Variants in HERC2 observed in about 807,000 individuals in gnomAD.
HERC2 encodes the protein E3 ubiquitin-protein ligase HERC2.
In HERC2, 102 loss-of-function variants were observed where a neutral mutation model predicts 537.7. The observed-to-expected ratio is 0.19, with a 90% CI of 0.16 to 0.22. The LOEUF (loss-of-function observed/expected upper bound fraction) is 0.22, where lower values mean the gene tolerates loss of function less well. Among genes scored for constraint, HERC2 ranks in the 10% least tolerant of loss-of-function variants. HERC2 has a pLI of 1.00. For missense variants in HERC2, 4,236 were observed against 6,198.2 expected (o/e 0.68, Z 10.63); for synonymous variants, 2,224 against 2,466.2 (o/e 0.90, Z 2.91).
In HERC2 at chr15:28,301,753, A is replaced by G. The variant is rs546118780; in HGVS notation, c.73-2237T>C. Among the ~76,000 whole-genome samples, 511 of 108,880 alleles carry G rather than the reference A, an allele frequency of 4.7e-3. 12 individuals are homozygous for G. Among genetic ancestry groups the G allele is most frequent in the African/African-American group, 0.018 (433 of 24,610 alleles). 71.4% of individuals were successfully genotyped at this position (108,880 alleles called of 152,430 possible). A position where few individuals can be genotyped will look rare whatever the true frequency, so the allele number is the denominator to read the frequency against. On this transcript the variant is annotated intron_variant, in intron 2 of 92. Transcript: ENST00000261609. Reference sequence around the variant, plus strand: ...TGTATGTGTATATATATATATATATATATATATATATATATATATATATAT... The same window carrying G: ...TGTATGTGTATATATATATATATATGTATATATATATATATATATATATAT...
chr15:28,131,181 C>A (rs1298512898), intron 81 of HERC2, among the ~76,000 whole-genome samples: 7 of 152,298 alleles, frequency 4.6e-5, no homozygotes, highest in African/African-American at 1.7e-4. Context: ...CTAAATGAGA[C>A]AATGTGGTAG....
intron 4 of HERC2, among the ~76,000 whole-genome samples, chr15:28,287,848 C>T (rs1417753784): frequency 1.7e-4 from 26 of 151,620 alleles, no homozygotes; most frequent in African/African-American, 3.2e-4. Context: ...CTGAGCTTCC[C>T]GAGTAGCTGG....
rs764701437 is a variant in HERC2 at position 28,144,763 on chromosome 15, C to T, written c.11050G>A (p.Gly3684Arg). The T allele has an allele frequency of 3.1e-6, 5 of 1,614,090 alleles. No homozygotes were observed. The highest frequency in any genetic ancestry group is 1.1e-5 in the South Asian group (1 of 91,088). The change falls in exon 72 of 93, where the codon GGG (glycine) becomes AGG (arginine). Residue 3684 changes from glycine to arginine, a missense_variant. Physicochemically the swap from Gly to Arg is moderately radical, Grantham distance 125. Transcript: ENST00000261609. ...SDWSSELRIP[G>R]DELKWKFISD... ...ATGAACTTCCACTTTAACTCATCCC[C>T]TGGGATGCGCAGCTCGCTGGACCAG...
chr15:28,197,662 G>A (rs933234386), intron 50 of HERC2, among the ~76,000 whole-genome samples: 11 of 152,288 alleles, frequency 7.2e-5, no homozygotes, highest in Middle Eastern at 3.4e-3. Context: ...TGAGACTGGA[G>A]AATTCCTTAA....
Position 28,229,754 on chromosome 15 carries a change from G to C in HERC2, c.4903C>G (p.Leu1635Val). The C allele has an allele frequency of 1.3e-6, 2 of 1,571,022 alleles. No homozygotes were observed. The highest frequency in any genetic ancestry group is 1.8e-6 in the Non-Finnish European group (2 of 1,142,494). The change falls in exon 32 of 93, where the codon CTC becomes GTC. Residue 1635 changes from leucine (L) to valine (V), a missense_variant. Coordinates refer to ENST00000261609, the MANE Select transcript of HERC2 (RefSeq NM_004667.6). The stretch of plus-strand genomic sequence containing the variant: ...GCAAATTCAGCAATTGTACTGAGGA[G>C]TGGAGACTGCGGATAAAGACCCTGC... ...NVQGLYPQSP[L>V]LSTIAEFALK...
At chr15:28,298,591 C>T (rs1167115760) in intron 3 of HERC2, 7 of 151,334 alleles carry the variant, frequency 4.6e-5, no homozygotes, top group South Asian at 2.1e-4. Context: ...GTCAGGAGCT[C>T]GAGACCATCC....
At chr15:28,270,543 T>C (rs1387182565) in intron 10 of HERC2, 152 bp downstream of exon 10, 1 of 761,614 alleles carries the variant, frequency 1.3e-6, no homozygotes, top group Non-Finnish European at 2.1e-6. Context: ...TCAACACGGA[T>C]AACACCTTCA....
In HERC2 at chr15:28,246,665, T is replaced by C. The variant is rs78635135; in HGVS notation, c.3391+77A>G. 194 of 1,270,214 alleles carry C rather than the reference T, an allele frequency of 1.5e-4. 1 individual carries two copies. The East Asian group carries it at 4.5e-3, about 29-fold the overall frequency. 78.7% of individuals were successfully genotyped at this position (1,270,214 alleles called of 1,614,324 possible). On this transcript the variant is annotated intron_variant, in intron 22 of 92. Coordinates refer to ENST00000261609, the MANE Select transcript of HERC2 (RefSeq NM_004667.6). ...ATTTAGAGAGTAAATGCAGGCATGC[T>C]GATCAGCAAAGAAGACACTTTAGCT... is the stretch of plus-strand genomic sequence containing the variant.
Position 28,116,966 on chromosome 15 carries a change from G to A in HERC2, c.13414+47C>T, listed in dbSNP as rs183035374. 1.0e-4 allele frequency: 161 copies of A among 1,613,150 alleles called. No homozygotes were observed. The African/African-American group carries it at 2.0e-3, about 20-fold the overall frequency. ...CTCTGTGCTCCCTGTGGGCTCAGGCGACCACTGCCGGGGACACAGGTGCTC... is the reference window on the plus strand; with the variant it reads ...CTCTGTGCTCCCTGTGGGCTCAGGCAACCACTGCCGGGGACACAGGTGCTC... On this transcript the variant is annotated intron_variant, in intron 87 of 92. Transcript: ENST00000261609.
intron 67 of HERC2, 98 bp from the exon 68 acceptor site, chr15:28,167,925 T>C (rs1894313052): frequency 3.0e-6 from 4 of 1,312,420 alleles, no homozygotes; most frequent in East Asian, 2.4e-5. Context: ...CTAAAACTAC[T>C]TGGGCTGTTT....
At chr15:28,173,087 C>A (rs1271400876) in intron 65 of HERC2, among the ~76,000 whole-genome samples, 1 of 152,194 alleles carries the variant, frequency 6.6e-6, no homozygotes, top group African/African-American at 2.4e-5. Flanking sequence ...AAATTAAAGA[C>A]TGAACGTATC....
chr15:28,172,073 C>CAAA (rs371110090), intron 65 of HERC2, among the ~76,000 whole-genome samples: 4 of 55,070 alleles, frequency 7.3e-5, no homozygotes, highest in Admixed American at 2.0e-4. Context: ...GACTCCGTCT[C>CAAA]AAAAAAAAAA....
chr15:28,225,584 G>C (rs1384913573), intron 35 of HERC2, among the ~76,000 whole-genome samples: 2 of 151,408 alleles, frequency 1.3e-5, no homozygotes, highest in African/African-American at 4.9e-5. Flanking sequence ...TGTAGTCCCA[G>C]CTACTCGGGA....
intron 85 of HERC2, among the ~76,000 whole-genome samples, chr15:28,123,230 A>T (rs1035062341): frequency 9.8e-5 from 15 of 152,366 alleles, no homozygotes; most frequent in African/African-American, 3.6e-4. Flanking sequence ...CGGTCTTTAA[A>T]AAGTAACCTG....
intron 92 of HERC2, 137 bp from the exon 93 acceptor site, chr15:28,112,172 C>T: frequency 1.3e-6 from 1 of 799,414 alleles, no homozygotes; most frequent in East Asian, 2.5e-5. Flanking sequence ...ATCCAAACAA[C>T]TTTAGGAGTA....
chr15:28,131,520 G>A (rs1263768988), intron 81 of HERC2, among the ~76,000 whole-genome samples: 2 of 152,220 alleles, frequency 1.3e-5, no homozygotes, highest in Non-Finnish European at 2.9e-5. Context: ...CCACGTACCA[G>A]CCACCCATTC....
In HERC2 at chr15:28,215,682, G is replaced by C. The variant is rs140060040; in HGVS notation, c.6149C>G (p.Thr2050Arg). Reference sequence around the variant, plus strand: ...CCCTTCCACGACCTTCATGAGCAGCGTGATCCACTGCGGGGAGCTGAGGGC... The same window carrying C: ...CCCTTCCACGACCTTCATGAGCAGCCTGATCCACTGCGGGGAGCTGAGGGC... Reference protein sequence around the residue: ...CGALSSPQWITLLMKVVEGHA... With the variant: ...CGALSSPQWIRLLMKVVEGHA... Residue 2050 changes from threonine to arginine, a missense_variant, in exon 39 of 93, where the codon ACG becomes AGG. Physicochemically the swap from Thr to Arg is moderately conservative, Grantham distance 71. Coordinates refer to ENST00000261609, the MANE Select transcript of HERC2 (RefSeq NM_004667.6). 1.2e-6 allele frequency: 2 copies of C among 1,611,866 alleles called. No individual in the cohort carries two copies. The highest frequency in any genetic ancestry group is 8.5e-7 in the Non-Finnish European group (1 of 1,179,830).
At chr15:28,188,627 T>C (rs1896545742) in intron 55 of HERC2, among the ~76,000 whole-genome samples, 1 of 151,874 alleles carries the variant, frequency 6.6e-6, no homozygotes. Flanking sequence ...GAGATGAATA[T>C]TGAAGCAAGT....
At chr15:28,143,234 G>A (rs1891402647) in intron 74 of HERC2, among the ~76,000 whole-genome samples, 1 of 152,128 alleles carries the variant, frequency 6.6e-6, no homozygotes, top group South Asian at 2.1e-4. Flanking sequence ...AACGCTGCCT[G>A]TCTCGTCCCA....
Sources: allele counts gnomAD v4.1 joint callset (sites outside exome capture counted in the v4.1 genomes callset), GRCh38; gene constraint gnomAD v4.1.1; transcripts MANE v1.5; gene names NCBI Gene and HGNC (gene_info 2026-07-23, HGNC 2026-07-21).